PIK3C2G: variants seen among roughly 807,000 people sequenced by gnomAD.
PIK3C2G encodes the protein phosphatidylinositol 3-kinase C2 domain-containing subunit gamma.
In PIK3C2G, 168 loss-of-function variants were observed where a neutral mutation model predicts 181.1. The ratio of observed to expected loss-of-function variants is 0.93; its 90% CI spans 0.82 to 1.05. PIK3C2G has a LOEUF of 1.05. Ranked by LOEUF, PIK3C2G falls within the 50% of genes least tolerant of loss-of-function variation. The pLI is 0.00. For missense variants in PIK3C2G, 1,869 were observed against 1,732.8 expected (o/e 1.08, Z -1.40); for synonymous variants, 573 against 592.2 (o/e 0.97, Z 0.47).
Position 18,538,190 on chromosome 12 carries a change from G to A in PIK3C2G, c.3358G>A (p.Glu1120Lys). ...RAPFIFTSEM[E>K]YFITEGGKNP... ...TCCTTTCATTTTTACTTCAGAGATG[G>A]AATACTTTATTACAGAGGGTGGGAA... is the stretch of plus-strand genomic sequence containing the variant. The change falls in exon 25 of 33, where the codon GAA (glutamate) becomes AAA (lysine). Residue 1120 changes from glutamate (E) to lysine (K), a missense_variant. Physicochemically the swap from Glu to Lys is moderately conservative, Grantham distance 56. Transcript: ENST00000538779. 1 of 1,611,950 alleles carries A rather than the reference G, an allele frequency of 6.2e-7. No individual in the cohort carries two copies. Among genetic ancestry groups the A allele is most frequent in the Non-Finnish European group, 8.5e-7 (1 of 1,178,848 alleles).
At chr12:18,258,598 C>A (rs968686257), upstream of PIK3C2G, among the ~76,000 whole-genome samples, 2 of 150,928 alleles carry the variant, frequency 1.3e-5, no homozygotes. Flanking sequence ...CATGTTGGCG[C>A]AAATGTCAGG....
At chr12:18,605,610 G>A (rs1327528288) in intron 30 of PIK3C2G, among the ~76,000 whole-genome samples, 1 of 152,142 alleles carries the variant, frequency 6.6e-6, no homozygotes, top group South Asian at 2.1e-4. Flanking sequence ...TATCCTTGAT[G>A]AACACAGTCA....
chr12:18,589,202 A>G (rs569232981), intron 29 of PIK3C2G, among the ~76,000 whole-genome samples: 149 of 152,102 alleles, frequency 9.8e-4, no homozygotes, highest in Non-Finnish European at 2.0e-3. Context: ...AAAAAGAAAG[A>G]AGATTAAAGT....
At chr12:18,701,646 TCC>T in the PIK3C2G span, 1 of 1,203,462 alleles carries the variant, frequency 8.3e-7, no homozygotes, top group East Asian at 2.5e-5. Context: ...CTCCTCCTCC[TCC>T]TCCTCTCCAT....
chr12:18,515,420 G>T (rs939603950), intron 24 of PIK3C2G, among the ~76,000 whole-genome samples: 6 of 151,776 alleles, frequency 4.0e-5, no homozygotes, highest in African/African-American at 9.7e-5. Context: ...GTTTGTTCAG[G>T]TTTTCTATTT....
At chr12:18,274,643 G>A (rs7980997) in intron 1 of PIK3C2G, among the ~76,000 whole-genome samples, 55,692 of 151,604 alleles carry the variant, frequency 0.37, 10,333 homozygotes, top group Non-Finnish European at 0.41. Flanking sequence ...TCACACCCCA[G>A]GGACTGTTGT....
chr12:18,597,697 G>A (rs1005319992), intron 30 of PIK3C2G, among the ~76,000 whole-genome samples: 5 of 151,898 alleles, frequency 3.3e-5, no homozygotes, highest in Non-Finnish European at 7.4e-5. Flanking sequence ...AGGAAAAGAG[G>A]AAGTCAAATT....
chr12:18,530,129 C>A (rs1247932328), intron 24 of PIK3C2G, among the ~76,000 whole-genome samples: 1 of 152,168 alleles, frequency 6.6e-6, no homozygotes, highest in Non-Finnish European at 1.5e-5. Context: ...CAGATCACTC[C>A]TACCAACTCC....
intron 18 of PIK3C2G, among the ~76,000 whole-genome samples, chr12:18,448,449 A>G (rs994815189): frequency 6.6e-6 from 1 of 152,266 alleles, no homozygotes; most frequent in Non-Finnish European, 1.5e-5. Flanking sequence ...AATATACAAT[A>G]CAGTGTTATT....
intron 32 of PIK3C2G, among the ~76,000 whole-genome samples, chr12:18,643,129 C>T (rs557476342): frequency 6.6e-6 from 1 of 152,102 alleles, no homozygotes; most frequent in African/African-American, 2.4e-5. Flanking sequence ...TTATTTCAAG[C>T]TTTATGTATT....
Position 18,293,981 on chromosome 12 carries a change from C to A in PIK3C2G, c.1000C>A (p.Leu334Ile). 1 of 1,592,384 alleles carries A rather than the reference C, an allele frequency of 6.3e-7. No homozygotes were observed. The highest frequency in any genetic ancestry group is 8.6e-7 in the Non-Finnish European group (1 of 1,160,582). The change falls in exon 5 of 33, where the codon CTA becomes ATA. Residue 334 changes from leucine (L) to isoleucine (I), a missense_variant. By Grantham distance (5) the Leu-to-Ile change is conservative. Transcript: ENST00000538779. ...NDQLLPKDHI[L>I]SVCGSEEFLQ... ...CCAGCTACTCCCCAAAGATCATATT[C>A]TAAGTGTATGTGGCTCTGAAGAATT...
intron 18 of PIK3C2G, among the ~76,000 whole-genome samples, chr12:18,444,764 T>G (rs997137885): frequency 1.3e-5 from 2 of 152,142 alleles, no homozygotes; most frequent in Admixed American, 6.6e-5. Flanking sequence ...TTAAAAATAT[T>G]TCTGAGTCCC....
intron 5 of PIK3C2G, 99 bp from the exon 6 acceptor site, chr12:18,313,863 C>T: frequency 2.9e-6 from 2 of 680,924 alleles, no homozygotes; most frequent in Non-Finnish European, 5.1e-6. Context: ...TTTTACCAAA[C>T]TAAGTTCCAA....
chr12:18,654,429 C>T, the PIK3C2G span, among the ~76,000 whole-genome samples: 3 of 151,896 alleles, frequency 2.0e-5, no homozygotes, highest in Admixed American at 2.0e-4. Context: ...ATTGTAAGAA[C>T]AATCAAATCA....
At chr12:18,278,887 G>A (rs370247681) in intron 1 of PIK3C2G, among the ~76,000 whole-genome samples, 1 of 151,952 alleles carries the variant, frequency 6.6e-6, no homozygotes, top group East Asian at 1.9e-4. Flanking sequence ...TTAAGAAATG[G>A]ATCTGGAAGA....
intron 5 of PIK3C2G, among the ~76,000 whole-genome samples, chr12:18,308,611 A>G (rs1055002581): frequency 2.0e-5 from 3 of 151,642 alleles, no homozygotes; most frequent in African/African-American, 4.8e-5. Flanking sequence ...ATTAAGGCCC[A>G]GAATTCATTG....
chr12:18,691,732 C>A, the PIK3C2G span, among the ~76,000 whole-genome samples: 1 of 152,134 alleles, frequency 6.6e-6, no homozygotes, highest in African/African-American at 2.4e-5. Flanking sequence ...GTAGTTAATT[C>A]TTTGCCAGAC....
intron 16 of PIK3C2G, among the ~76,000 whole-genome samples, chr12:18,414,138 T>C (rs1194126129): frequency 6.6e-6 from 1 of 152,130 alleles, no homozygotes; most frequent in Admixed American, 6.6e-5. Context: ...AACTAAAAAG[T>C]AGAATGCTTG....
At chr12:18,712,696 C>CTA in the PIK3C2G span, 2 of 974,140 alleles carry the variant, frequency 2.1e-6, no homozygotes, top group Non-Finnish European at 3.1e-6. Context: ...CTATATACAA[C>CTA]ATGGATTTCA....
Sources: allele counts gnomAD v4.1 joint callset (sites outside exome capture counted in the v4.1 genomes callset), GRCh38; gene constraint gnomAD v4.1.1; transcripts MANE v1.5; gene names NCBI Gene and HGNC (gene_info 2026-07-23, HGNC 2026-07-21).